The following DGKH variants were observed in gnomAD, a reference collection of about 807,000 sequenced individuals.
DGKH encodes diacylglycerol kinase eta.
A neutral mutation model predicts 159.3 loss-of-function variants in DGKH; 90 were observed. The observed-to-expected ratio is 0.57, with a 90% CI of 0.48 to 0.67. DGKH has a LOEUF of 0.67. DGKH is among the 30% of genes least tolerant of loss of function. The probability of loss-of-function intolerance (pLI) is 0.00; values close to 1 mark genes in which losing one functional copy is unlikely to be tolerated. For synonymous variants in DGKH, 536 were observed against 553.8 expected (o/e 0.97, Z 0.45); for missense variants, 1,181 against 1,506.1 (o/e 0.78, Z 3.57).
rs1416778234 is a variant in DGKH, at chr13:42,178,158, T to C, written c.1476T>C (p.Val492=). The C allele has an allele frequency of 1.9e-6, 3 of 1,608,146 alleles. No individual in the cohort carries two copies. In the African/African-American group the frequency reaches 4.0e-5, roughly 21 times the overall value. Residue 492 remains valine (V), a synonymous_variant, in exon 13 of 30, where the codon GTT becomes GTC. Transcript: ENST00000337343. ...EFYMTIYEDS[V]ATHLTKILNS... is the part of the protein sequence containing the mutation. ...AGATGACGATTTATGAAGACTCAGT[T>C]GCAACGCATCTTACAAAAATCCTCA... is the stretch of plus-strand genomic sequence containing the variant.
Position 42,239,261 on chromosome 13 carries a change from G to A in DGKH, c.*10073G>A, listed in dbSNP as rs1338789251. 6.6e-6 allele frequency: 1 copy of A among 152,244 alleles called. No individual in the cohort carries two copies. The highest frequency in any genetic ancestry group is 2.4e-5 in the African/African-American group (1 of 41,420). The allele number at this position is 152,244 out of a possible 1,614,324, so 9.4% of individuals were successfully genotyped here. A position where few individuals can be genotyped will look rare whatever the true frequency, so the allele number is the denominator to read the frequency against. On this transcript the variant is annotated 3_prime_UTR_variant, in exon 30 of 30. Transcript: ENST00000337343. ...AATATACATAATTATGAGGATGAGA[G>A]AATTGCAAACTTGAACAGTTCTTTT...
chr13:42,050,912 G>A (rs1881236991), intron 1 of DGKH, among the ~76,000 whole-genome samples: 1 of 152,154 alleles, frequency 6.6e-6, no homozygotes, highest in Non-Finnish European at 1.5e-5. Context: ...ATATGAAATG[G>A]TCAAAATTCC....
intron 17 of DGKH, among the ~76,000 whole-genome samples, chr13:42,197,193 T>C (rs1291419333): frequency 7.0e-6 from 1 of 142,904 alleles, no homozygotes; most frequent in African/African-American, 2.5e-5. Flanking sequence ...GAGGTTGCAG[T>C]GATCTGAGAT....
At chr13:42,055,238 A>G (rs1231583455) in intron 1 of DGKH, among the ~76,000 whole-genome samples, 1 of 152,222 alleles carries the variant, frequency 6.6e-6, no homozygotes, top group Non-Finnish European at 1.5e-5. Flanking sequence ...AATATGATCC[A>G]CATTTAAGGG....
At chr13:42,197,041 G>C (rs1957217227) in intron 17 of DGKH, among the ~76,000 whole-genome samples, 1 of 152,018 alleles carries the variant, frequency 6.6e-6, no homozygotes, top group Non-Finnish European at 1.5e-5. Flanking sequence ...ATCACCTGAG[G>C]TCAGGAGTTT....
intron 1 of DGKH, among the ~76,000 whole-genome samples, chr13:42,078,440 G>C (rs1315263423): frequency 6.6e-6 from 1 of 152,156 alleles, no homozygotes; most frequent in African/African-American, 2.4e-5. Flanking sequence ...ACTTCTGTTG[G>C]ACCTTGTTTT....
intron 13 of DGKH, among the ~76,000 whole-genome samples, chr13:42,184,707 A>AT: frequency 6.6e-6 from 1 of 151,820 alleles, no homozygotes; most frequent in South Asian, 2.1e-4. Flanking sequence ...ACCAAAAAAA[A>AT]TTTTTTTAAA....
In DGKH at chr13:42,220,897, C is replaced by T. The variant is rs75672008; in HGVS notation, c.3443-367C>T. On this transcript the variant is annotated intron_variant, in intron 28 of 29. Transcript: ENST00000337343. ...TTTGTAGCTCATTTCAGTCTATAGCCGTTTTCATACAGGGTCTGAAGGAAA... is the reference window on the plus strand; with the variant it reads ...TTTGTAGCTCATTTCAGTCTATAGCTGTTTTCATACAGGGTCTGAAGGAAA... 6.1e-4 allele frequency among the ~76,000 whole-genome samples: 93 copies of T among 152,230 alleles called. 1 individual carries two copies. In the East Asian group the frequency reaches 0.014, roughly 23 times the overall value.
At chr13:42,152,533 A>T (rs763321308) in intron 3 of DGKH, among the ~76,000 whole-genome samples, 10 of 150,308 alleles carry the variant, frequency 6.7e-5, no homozygotes, top group Non-Finnish European at 1.5e-4. Context: ...TATAAATCAC[A>T]TAATAAGATA....
intron 1 of DGKH, among the ~76,000 whole-genome samples, chr13:42,098,452 A>G (rs1482188627): frequency 6.6e-6 from 1 of 151,968 alleles, no homozygotes; most frequent in East Asian, 1.9e-4. Flanking sequence ...ATGCCACTGC[A>G]CTTCAGCCTG....
In DGKH at chr13:42,127,476, A is replaced by G. The variant is rs796380805; in HGVS notation, c.206A>G (p.Glu69Gly). The G allele has an allele frequency of 6.2e-7, 1 of 1,613,544 alleles. No individual in the cohort carries two copies. Among genetic ancestry groups the G allele is most frequent in the Admixed American group, 1.7e-5 (1 of 59,992 alleles). The change falls in exon 2 of 30, where the codon GAG (glutamate) becomes GGG (glycine). Residue 69 changes from glutamate to glycine, a missense_variant. Physicochemically the swap from Glu to Gly is moderately conservative, Grantham distance 98. This residue lies in a region of DGKH where 136 missense variants were observed against 132.2 expected (regional missense o/e 1.03). Coordinates refer to ENST00000337343, the MANE Select transcript of DGKH (RefSeq NM_178009.5). ...GCTTCTCTCTAGACCAGTATTAAAG[A>G]GGGACAGCTATTGAAGCAAACCAGT... ...GQIRTKTSIK[E>G]GQLLKQTSSF...
intron 27 of DGKH, 38 bp from the exon 28 acceptor site, chr13:42,219,648 T>C: frequency 3.8e-6 from 6 of 1,565,788 alleles, no homozygotes; most frequent in Admixed American, 1.7e-5. Context: ...CTCCTTTTCA[T>C]ATCCTGAAAA....
rs56413015 is a variant in DGKH at position 42,051,646 on chromosome 13, C to CTTTTTTTT, written c.192+2704_192+2711dup. Among the ~76,000 whole-genome samples, 10 of 50,182 alleles carry CTTTTTTTT rather than the reference C, an allele frequency of 2.0e-4. 1 individual carries two copies. Among genetic ancestry groups the CTTTTTTTT allele is most frequent in the African/African-American group, 7.6e-4 (10 of 13,222 alleles). 32.9% of individuals were successfully genotyped at this position (50,182 alleles called of 152,430 possible). On this transcript the variant is annotated intron_variant, in intron 1 of 29. Transcript: ENST00000337343. ...GGCCCTAAGATTAGCTCAAAGCCAT[C>CTTTTTTTT]TTTTTTTTTTTTTTTTTTTTTTTTT...
At chr13:42,227,957 G>A (rs1327015341) in intron 29 of DGKH, among the ~76,000 whole-genome samples, 2 of 152,022 alleles carry the variant, frequency 1.3e-5, no homozygotes, top group African/African-American at 4.8e-5. Context: ...TGTTTTTTAG[G>A]CCATTTTGGA....
downstream of DGKH, among the ~76,000 whole-genome samples, chr13:42,247,538 T>C (rs574100293): frequency 2.6e-5 from 4 of 152,200 alleles, no homozygotes; most frequent in Non-Finnish European, 5.9e-5. Context: ...GATCTACACT[T>C]TTTATCATTA....
chr13:42,199,614 A>T lies in DGKH; in HGVS notation c.2334A>T (p.Gly778=). ...KCVMNNYFGI[G]LDAKISLEFN... ...TCATGAACAATTACTTTGGGATTGG[A>T]TTAGATGCAAAAATTTCATTAGAAT... is the stretch of plus-strand genomic sequence containing the variant. Residue 778 remains glycine, a synonymous_variant, in exon 19 of 30, where the codon GGA becomes GGT. Transcript: ENST00000337343. 1.2e-6 allele frequency: 2 copies of T among 1,605,954 alleles called. No individual in the cohort carries two copies. The highest frequency in any genetic ancestry group is 1.7e-6 in the Non-Finnish European group (2 of 1,177,592).
chr13:42,112,330 G>A (rs1002219465), intron 1 of DGKH, among the ~76,000 whole-genome samples: 1 of 141,046 alleles, frequency 7.1e-6, no homozygotes, highest in Non-Finnish European at 1.5e-5. Context: ...TGCCCAGGCT[G>A]GAGTGCAGTG....
At chr13:42,167,431 T>C (rs1167606206) in intron 9 of DGKH, among the ~76,000 whole-genome samples, 2 of 152,210 alleles carry the variant, frequency 1.3e-5, no homozygotes, top group African/African-American at 4.8e-5. Flanking sequence ...AAAAGGCATT[T>C]TGTGTTTCGT....
In DGKH at chr13:42,237,984, A is replaced by T. The variant is rs1009070684; in HGVS notation, c.*8796A>T. Reference sequence around the variant, plus strand: ...CAACAAAACAATTATTGAAATTCACAATACCTAGAGATGGGAACATGGTTT... The same window carrying T: ...CAACAAAACAATTATTGAAATTCACTATACCTAGAGATGGGAACATGGTTT... On this transcript the variant is annotated 3_prime_UTR_variant, in exon 30 of 30. Transcript: ENST00000337343. The T allele has an allele frequency of 6.6e-6, 1 of 152,216 alleles. No individual in the cohort carries two copies. The highest frequency in any genetic ancestry group is 2.4e-5 in the African/African-American group (1 of 41,452). The allele number at this position is 152,216 out of a possible 1,614,324, so 9.4% of individuals were successfully genotyped here. A position where few individuals can be genotyped will look rare whatever the true frequency, so the allele number is the denominator to read the frequency against.
Sources: allele counts gnomAD v4.1 joint callset (sites outside exome capture counted in the v4.1 genomes callset), GRCh38; gene constraint gnomAD v4.1.1; regional missense constraint gnomAD v4.1.1; transcripts MANE v1.5; gene names NCBI Gene and HGNC (gene_info 2026-07-23, HGNC 2026-07-21).